The following INPP5D variants were observed in gnomAD, a reference collection of about 807,000 sequenced individuals.
The protein encoded by INPP5D is inositol polyphosphate-5-phosphatase D.
INPP5D carries 33 observed loss-of-function variants against 122.9 expected under a neutral mutation model. That is an observed-to-expected ratio of 0.27 (90% CI 0.20 to 0.36). The LOEUF (loss-of-function observed/expected upper bound fraction) is 0.36. Ranked by LOEUF, INPP5D falls within the 10% of genes least tolerant of loss-of-function variation. The pLI, the probability that INPP5D is intolerant of heterozygous loss-of-function variation, is 1.00. For synonymous variants in INPP5D, 584 were observed against 576.2 expected (o/e 1.01, Z -0.19); for missense variants, 1,053 against 1,412.7 (o/e 0.75, Z 4.08).
chr2:233,099,586 A>C (rs1692245790), intron 2 of INPP5D, among the ~76,000 whole-genome samples: 1 of 152,246 alleles, frequency 6.6e-6, no homozygotes, highest in Non-Finnish European at 1.5e-5. Context: ...TATAGATATC[A>C]GATTAAAGAT....
Position 233,138,982 on chromosome 2 carries a change from C to T in INPP5D, c.666-860C>T, listed in dbSNP as rs189340843. On this transcript the variant is annotated intron_variant, in intron 5 of 26. Transcript: ENST00000445964. ...CGTTAGCCAGGATGGTCTCGACCTCCTGACCTCGTGATCCGCCTGCCTCAG... is the reference window on the plus strand; with the variant it reads ...CGTTAGCCAGGATGGTCTCGACCTCTTGACCTCGTGATCCGCCTGCCTCAG... 3.6e-3 allele frequency among the ~76,000 whole-genome samples: 553 copies of T among 151,834 alleles called. 4 individuals are homozygous for T. Among genetic ancestry groups the T allele is most frequent in the African/African-American group, 0.013 (521 of 41,372 alleles).
At chr2:233,155,738 T>G (rs1054818567) in intron 9 of INPP5D, among the ~76,000 whole-genome samples, 8 of 151,896 alleles carry the variant, frequency 5.3e-5, no homozygotes, top group African/African-American at 1.7e-4. Flanking sequence ...TTGAGAAAAT[T>G]TATTAAAGAA....
chr2:233,124,188 G>C (rs866283027), intron 3 of INPP5D, among the ~76,000 whole-genome samples: 1 of 151,836 alleles, frequency 6.6e-6, no homozygotes, highest in African/African-American at 2.4e-5. Flanking sequence ...CAGTTGGCCA[G>C]GGCTCTTCCT....
chr2:233,114,547 A>C (rs1035575118), intron 2 of INPP5D, among the ~76,000 whole-genome samples: 2 of 152,046 alleles, frequency 1.3e-5, no homozygotes, highest in African/African-American at 4.8e-5. Context: ...TCCTTCCAGA[A>C]CTCAAAGGCT....
intron 2 of INPP5D, among the ~76,000 whole-genome samples, chr2:233,098,414 G>A (rs1471644270): frequency 6.6e-6 from 1 of 152,198 alleles, no homozygotes; most frequent in African/African-American, 2.4e-5. Context: ...TTGGTGAGAC[G>A]TGGTGCTGGA....
At chr2:233,159,152 G>C (rs1420479324) in intron 10 of INPP5D, among the ~76,000 whole-genome samples, 3 of 152,184 alleles carry the variant, frequency 2.0e-5, no homozygotes, top group Admixed American at 6.5e-5. Context: ...CTGCAGAAGT[G>C]AGATGCCCCT....
At chr2:233,069,204 T>A (rs1220564966) in intron 1 of INPP5D, among the ~76,000 whole-genome samples, 1 of 152,200 alleles carries the variant, frequency 6.6e-6, no homozygotes, top group African/African-American at 2.4e-5. Flanking sequence ...GGTTCAATAC[T>A]TACTGTAAAC....
At chr2:233,133,210 G>A (rs983576463) in intron 5 of INPP5D, among the ~76,000 whole-genome samples, 1 of 152,168 alleles carries the variant, frequency 6.6e-6, no homozygotes, top group African/African-American at 2.4e-5. Flanking sequence ...TGCAATTACA[G>A]CATGAGCCAC....
At chr2:233,109,741 G>A (rs1351424161) in intron 2 of INPP5D, among the ~76,000 whole-genome samples, 2 of 147,806 alleles carry the variant, frequency 1.4e-5, no homozygotes, top group Non-Finnish European at 3.0e-5. Flanking sequence ...ACCACGCCCA[G>A]CTATTTTTTT....
chr2:233,099,958 C>T (rs973154063), intron 2 of INPP5D, among the ~76,000 whole-genome samples: 3 of 152,174 alleles, frequency 2.0e-5, no homozygotes, highest in Non-Finnish European at 2.9e-5. Context: ...GAAGAATGAG[C>T]TTGTGCAGTC....
At chr2:233,094,351 A>G (rs1408708674) in intron 2 of INPP5D, among the ~76,000 whole-genome samples, 1 of 151,478 alleles carries the variant, frequency 6.6e-6, no homozygotes, top group African/African-American at 2.4e-5. Flanking sequence ...CGTCTCTACT[A>G]AAATTACAAA....
Position 233,065,997 on chromosome 2 carries a change from G to A in INPP5D, c.134+5385G>A, listed in dbSNP as rs189992347. On this transcript the variant is annotated intron_variant, in intron 1 of 26. Transcript: ENST00000445964. ...TTTTATTTTTGAGACACGGTCTTTC[G>A]CTGTTGCCCAGGTTGGAGTGCAGTG... Among the ~76,000 whole-genome samples the A allele has an allele frequency of 2.4e-3, 364 of 150,688 alleles. 3 individuals carry two copies. The highest frequency in any genetic ancestry group is 0.019 in the East Asian group (97 of 5,086).
chr2:233,116,540 G>A (rs1288608772), intron 2 of INPP5D, among the ~76,000 whole-genome samples: 5 of 151,722 alleles, frequency 3.3e-5, no homozygotes, highest in South Asian at 2.1e-4. Context: ...TGCCCACCTC[G>A]GCCTCTCAAA....
At chr2:233,140,178 T>G (rs988711479) in intron 6 of INPP5D, 227 of 284,450 alleles carry the variant, frequency 8.0e-4, no homozygotes, top group Non-Finnish European at 1.2e-3. Flanking sequence ...CAGCAAAACT[T>G]ATTTGTGCCA....
At position 233,159,535 on chromosome 2, in the gene INPP5D, GA is replaced by G. The variant is rs374072260; in HGVS notation, c.1137+1126del. ...CAAGATGGTGAGACCTCATCTCTAC[GA>G]AAAAAAAAATAGCTGGGTGTGGTGG... is the stretch of plus-strand genomic sequence containing the variant. On this transcript the variant is annotated intron_variant, in intron 10 of 26. Transcript: ENST00000445964. 2.4e-4 allele frequency among the ~76,000 whole-genome samples: 35 copies of G among 143,956 alleles called. No individual in the cohort carries two copies. In the South Asian group the frequency reaches 4.7e-3, roughly 19 times the overall value. 94.4% of individuals were successfully genotyped at this position (143,956 alleles called of 152,430 possible). A position where few individuals can be genotyped will look rare whatever the true frequency, so the allele number is the denominator to read the frequency against.
intron 17 of INPP5D, among the ~76,000 whole-genome samples, chr2:233,172,307 G>A (rs1182392606): frequency 2.0e-5 from 3 of 152,222 alleles, no homozygotes; most frequent in Non-Finnish European, 4.4e-5. Context: ...CTAGATGCCA[G>A]GATGACAGGC....
At chr2:233,150,859 C>T (rs1693904449) in intron 9 of INPP5D, among the ~76,000 whole-genome samples, 1 of 151,988 alleles carries the variant, frequency 6.6e-6, no homozygotes, top group African/African-American at 2.4e-5. Context: ...GTGGCTCTGA[C>T]CGGGATTTGA....
intron 11 of INPP5D, 147 bp downstream of exon 11, chr2:233,161,973 A>T: frequency 7.7e-7 from 1 of 1,292,910 alleles, no homozygotes; most frequent in South Asian, 1.6e-5. Flanking sequence ...GCCCACCCGC[A>T]CAACCTCCTT....
rs1191200549 is a variant in INPP5D, at chr2:233,078,616, G to A, written c.135-719G>A. 2.6e-5 allele frequency among the ~76,000 whole-genome samples: 4 copies of A among 152,182 alleles called. No individual in the cohort carries two copies. Among genetic ancestry groups the A allele is most frequent in the Admixed American group, 1.3e-4 (2 of 15,280 alleles). On this transcript the variant is annotated intron_variant, in intron 1 of 26. Coordinates refer to ENST00000445964, the MANE Select transcript of INPP5D (RefSeq NM_001017915.3). The surrounding 1 kb of genome is among the most constrained non-coding windows in gnomAD (Gnocchi z 4.6). ...CCTGGCTTTCCATTCACCATGGGCC[G>A]CTCTGCTTGGGCCCACTGGAGTCGT...
Sources: allele counts gnomAD v4.1 joint callset (sites outside exome capture counted in the v4.1 genomes callset), GRCh38; gene constraint gnomAD v4.1.1; non-coding constraint Gnocchi (gnomAD v3.1); transcripts MANE v1.5; gene names NCBI Gene and HGNC (gene_info 2026-07-23, HGNC 2026-07-21).